KAZN: variants seen among roughly 807,000 people sequenced by gnomAD.
The protein encoded by KAZN is kazrin.
In KAZN, 40 loss-of-function variants were observed where a neutral mutation model predicts 87.4. The observed-to-expected ratio is 0.46, with a 90% CI of 0.36 to 0.60. KAZN has a LOEUF of 0.60. Among genes scored for constraint, KAZN ranks in the 20% least tolerant of loss-of-function variants. KAZN has a pLI of 0.00. For missense variants in KAZN, 898 were observed against 1,073.9 expected, an observed-to-expected ratio of 0.84 and a Z score of 2.29; for synonymous variants, 466 against 458.3, an observed-to-expected ratio of 1.02 and a Z score of -0.22.
chr1:14,478,274 A>AAGGAAGAAGGAAGGAAGGAAGG (rs1553178148), intron 2 of KAZN, among the ~76,000 whole-genome samples: 1 of 111,404 alleles, frequency 9.0e-6, no homozygotes, highest in Admixed American at 8.9e-5. Context: ...AGGAAGGAAG[A>AAGGAAGAAGGAAGGAAGGAAGG]AAGGAAGGAA....
At chr1:14,270,279 A>G (rs1425721061) in intron 2 of KAZN, among the ~76,000 whole-genome samples, 2 of 152,206 alleles carry the variant, frequency 1.3e-5, no homozygotes, top group Non-Finnish European at 2.9e-5. Context: ...CACTAAAACC[A>G]TGTGTGAGAA....
rs756704971 is a variant in KAZN at position 14,605,800 on chromosome 1, A to G, written c.226+6577A>G. 3.4e-4 allele frequency among the ~76,000 whole-genome samples: 51 copies of G among 152,162 alleles called. 1 individual carries two copies. Among genetic ancestry groups the G allele is most frequent in the Non-Finnish European group, 3.8e-4 (26 of 68,016 alleles). On this transcript the variant is annotated intron_variant, in intron 1 of 14. Coordinates refer to ENST00000376030, the MANE Select transcript of KAZN (RefSeq NM_201628.3). ...CTATGTTCTTCCAGGTCAACTATGT[A>G]ATGCCCGTTTTTCAAAAGAGGAAAC...
At chr1:14,521,961 A>C (rs755436488) in intron 2 of KAZN, among the ~76,000 whole-genome samples, 9 of 152,226 alleles carry the variant, frequency 5.9e-5, no homozygotes, top group Non-Finnish European at 8.8e-5. Context: ...TAAATTTGAA[A>C]GAATGTGAAC....
At chr1:14,338,029 T>G (rs1161943369) in intron 2 of KAZN, among the ~76,000 whole-genome samples, 1 of 152,140 alleles carries the variant, frequency 6.6e-6, no homozygotes, top group Non-Finnish European at 1.5e-5. Flanking sequence ...TATCCACATT[T>G]CCTTGAGTAA....
chr1:14,391,108 A>G (rs1473752719), intron 2 of KAZN, among the ~76,000 whole-genome samples: 3 of 152,214 alleles, frequency 2.0e-5, no homozygotes, highest in Non-Finnish European at 4.4e-5. Context: ...GACATAAGCC[A>G]GAGGCCACTT....
intron 2 of KAZN, among the ~76,000 whole-genome samples, chr1:14,309,562 A>AT (rs1345893739): frequency 6.6e-6 from 1 of 152,012 alleles, no homozygotes; most frequent in Non-Finnish European, 1.5e-5. Context: ...GCATTAATTG[A>AT]TTTTTTTGTT....
Position 14,218,662 on chromosome 1 carries a change from C to T in KAZN, c.249+38070C>T, listed in dbSNP as rs143294822. Among the ~76,000 whole-genome samples the T allele has an allele frequency of 5.0e-3, 762 of 152,104 alleles. 5 individuals are homozygous for T. The highest frequency in any genetic ancestry group is 0.017 in the African/African-American group (725 of 41,496). On this transcript the variant is annotated intron_variant, in intron 2 of 16. Coordinates refer to the KAZN transcript ENST00000636203. ...ATAAATATGTTTAAATTTATGAATT[C>T]ATAAGGATAGAAAATAATTTGTCAT...
intron 1 of KAZN, among the ~76,000 whole-genome samples, chr1:13,904,655 A>AGG (rs1639370709): frequency 6.6e-6 from 1 of 152,130 alleles, no homozygotes; most frequent in South Asian, 2.1e-4. Context: ...ATTTCTCTGT[A>AGG]GGTGATCTCT....
At chr1:14,622,585 G>A (rs1348557193) in intron 1 of KAZN, among the ~76,000 whole-genome samples, 1 of 151,576 alleles carries the variant, frequency 6.6e-6, no homozygotes. Context: ...CAGCTACTCA[G>A]GAGGCTGAGG....
rs140076587 is a variant in KAZN, at chr1:15,101,561, G to T, written c.1566G>T (p.Glu522Asp). ...TCCCCAGCCTGTCCAAAGCTGCCGAGCTGGACCATCACTGGGTGGCCAAGG... is the reference window on the plus strand; with the variant it reads ...TCCCCAGCCTGTCCAAAGCTGCCGATCTGGACCATCACTGGGTGGCCAAGG... ...EAGRSLSKAA[E>D]LDHHWVAKAW... The change falls in exon 11 of 15, where the codon GAG becomes GAT. Residue 522 changes from glutamate to aspartate, a missense_variant. Glu to Asp is a conservative substitution (Grantham distance 45). Around this residue, in one of 3 missense-constraint regions of KAZN, gnomAD observed 521 missense variants for 689.4 expected, o/e 0.76. Transcript: ENST00000376030. The T allele has an allele frequency of 1.0e-3, 1,613 of 1,552,314 alleles. 4 individuals carry two copies. The East Asian group carries it at 0.017, about 17-fold the overall frequency.
intron 2 of KAZN, among the ~76,000 whole-genome samples, chr1:14,407,174 T>C (rs1663921826): frequency 6.6e-6 from 1 of 152,228 alleles, no homozygotes; most frequent in Non-Finnish European, 1.5e-5. Flanking sequence ...TGTGGGTCAT[T>C]CCTCGTTTTT....
intron 1 of KAZN, among the ~76,000 whole-genome samples, chr1:14,899,814 T>A (rs941337502): frequency 1.3e-5 from 2 of 152,148 alleles, no homozygotes; most frequent in Non-Finnish European, 2.9e-5. Context: ...GCAACCGTCT[T>A]AAGCACTGTC....
rs1309535327 is a variant in KAZN at position 14,773,590 on chromosome 1, C to T, written c.226+174367C>T. Among the ~76,000 whole-genome samples the T allele has an allele frequency of 6.6e-6, 1 of 152,192 alleles. No individual in the cohort carries two copies. The highest frequency in any genetic ancestry group is 1.5e-5 in the Non-Finnish European group (1 of 68,022). On this transcript the variant is annotated intron_variant, in intron 1 of 14. Coordinates refer to ENST00000376030, the MANE Select transcript of KAZN (RefSeq NM_201628.3). The surrounding 1 kb of genome is among the most constrained non-coding windows in gnomAD (Gnocchi z 5.9). Reference sequence around the variant, plus strand: ...AAAAGATGATGTTGACTTTCCAGAGCCATAGGGAGTTGGAAATGAGGTCAG... The same window carrying T: ...AAAAGATGATGTTGACTTTCCAGAGTCATAGGGAGTTGGAAATGAGGTCAG...
At chr1:15,100,693 A>C (rs1373851823) in intron 10 of KAZN, among the ~76,000 whole-genome samples, 2 of 152,214 alleles carry the variant, frequency 1.3e-5, no homozygotes, top group African/African-American at 4.8e-5. Context: ...CTGGCAGTGC[A>C]GTGGTAAGAG....
At chr1:15,000,884 A>G (rs1364244325) in intron 2 of KAZN, among the ~76,000 whole-genome samples, 1 of 151,822 alleles carries the variant, frequency 6.6e-6, no homozygotes, top group Non-Finnish European at 1.5e-5. Flanking sequence ...CGGGAGAATC[A>G]CTTGAGCCCA....
At chr1:14,666,848 G>A (rs546439205) in intron 1 of KAZN, among the ~76,000 whole-genome samples, 7 of 152,218 alleles carry the variant, frequency 4.6e-5, no homozygotes, top group African/African-American at 1.4e-4. Flanking sequence ...AGTGACTCCT[G>A]CCTCAGCCTC....
intron 2 of KAZN, among the ~76,000 whole-genome samples, chr1:14,244,789 G>A (rs562885141): frequency 6.6e-6 from 1 of 152,218 alleles, no homozygotes; most frequent in South Asian, 2.1e-4. Flanking sequence ...AGTTGGTCAG[G>A]GTGAGCAGGT....
At chr1:14,040,007 T>G (rs1641731337) in intron 1 of KAZN, among the ~76,000 whole-genome samples, 1 of 152,208 alleles carries the variant, frequency 6.6e-6, no homozygotes, top group Admixed American at 6.5e-5. Context: ...GGGTAATAAA[T>G]TCATCTGGCT....
At chr1:14,127,500 A>C (rs891203341) in intron 1 of KAZN, among the ~76,000 whole-genome samples, 8 of 151,678 alleles carry the variant, frequency 5.3e-5, no homozygotes, top group African/African-American at 1.9e-4. Flanking sequence ...CAGGAAATCC[A>C]ACGCTAATGG....
Sources: allele counts gnomAD v4.1 joint callset (sites outside exome capture counted in the v4.1 genomes callset), GRCh38; gene constraint gnomAD v4.1.1; regional missense constraint gnomAD v4.1.1; non-coding constraint Gnocchi (gnomAD v3.1); transcripts MANE v1.5; gene names NCBI Gene and HGNC (gene_info 2026-07-23, HGNC 2026-07-21).